RUNDC3B: variants seen among roughly 807,000 people sequenced by gnomAD.
RUNDC3B encodes RUN domain-containing protein 3B.
RUNDC3B carries 33 observed loss-of-function variants against 58.4 expected under a neutral mutation model. The ratio of observed to expected loss-of-function variants is 0.56; its 90% CI spans 0.43 to 0.75. RUNDC3B has a LOEUF of 0.75. Among genes scored for constraint, RUNDC3B ranks in the 30% least tolerant of loss-of-function variants. The probability of loss-of-function intolerance (pLI) is 0.00; values close to 1 mark genes in which losing one functional copy is unlikely to be tolerated. For missense variants in RUNDC3B, 501 were observed against 535.7 expected, an observed-to-expected ratio of 0.94 and a Z score of 0.64; for synonymous variants, 193 against 195.2, an observed-to-expected ratio of 0.99 and a Z score of 0.10.
intron 2 of RUNDC3B, among the ~76,000 whole-genome samples, 188 bp from the exon 3 acceptor site, chr7:87,700,233 A>G (rs1235922472): frequency 6.6e-6 from 1 of 152,148 alleles, no homozygotes; most frequent in Non-Finnish European, 1.5e-5. Context: ...AAATTTTCCA[A>G]ACTAACACCA....
At chr7:87,804,000 C>G (rs983896419) in intron 8 of RUNDC3B, among the ~76,000 whole-genome samples, 1 of 151,974 alleles carries the variant, frequency 6.6e-6, no homozygotes, top group Non-Finnish European at 1.5e-5. Context: ...ACAAAGCTAC[C>G]GTTCCCAAGT....
At chr7:87,670,604 G>A (rs58101885) in intron 2 of RUNDC3B, among the ~76,000 whole-genome samples, 2,130 of 152,248 alleles carry the variant, frequency 0.014, 52 homozygotes, top group African/African-American at 0.049. Context: ...TCTGTGTGTG[G>A]GTGTTCCTTT....
At chr7:87,743,128 G>A (rs577676860) in intron 6 of RUNDC3B, among the ~76,000 whole-genome samples, 2 of 149,344 alleles carry the variant, frequency 1.3e-5, no homozygotes, top group Admixed American at 6.7e-5. Flanking sequence ...AAAAAAAAAA[G>A]GGAACTAAGG....
chr7:87,639,506 A>G (rs1822212927), intron 1 of RUNDC3B, among the ~76,000 whole-genome samples: 1 of 152,094 alleles, frequency 6.6e-6, no homozygotes, highest in South Asian at 2.1e-4. Flanking sequence ...TACCTCTATG[A>G]CTGTAGATTT....
intron 9 of RUNDC3B, among the ~76,000 whole-genome samples, chr7:87,808,871 C>G (rs1836569156): frequency 6.6e-6 from 1 of 151,980 alleles, no homozygotes; most frequent in African/African-American, 2.4e-5. Flanking sequence ...CTTACCTTAT[C>G]TATATATGAC....
intron 6 of RUNDC3B, among the ~76,000 whole-genome samples, chr7:87,750,134 T>A (rs1832880403): frequency 6.6e-6 from 1 of 151,976 alleles, no homozygotes; most frequent in Admixed American, 6.6e-5. Flanking sequence ...TGGTGTTTGG[T>A]TTTTTGTTCT....
rs545028126 is a variant in RUNDC3B, at chr7:87,628,866, G to A, written c.43G>A (p.Gly15Ser). ...SLGGLSGIRG[G>S]GGGGGKKSLS... ...GGGGGGCCTGAGCGGGATCCGCGGC[G>A]GTGGCGGCGGAGGCGGCAAGAAAAG... The change falls in exon 1 of 11, where the codon GGT becomes AGT. Residue 15 changes from glycine to serine, a missense_variant. By Grantham distance (56) the Gly-to-Ser change is moderately conservative. Transcript: ENST00000394654. The A allele has an allele frequency of 1.0e-5, 13 of 1,281,262 alleles. No homozygotes were observed. Among genetic ancestry groups the A allele is most frequent in the Admixed American group, 3.6e-5 (1 of 27,618 alleles). The allele number at this position is 1,281,262 out of a possible 1,614,324, so 79.4% of individuals were successfully genotyped here.
In RUNDC3B at chr7:87,633,368, T is replaced by C. The variant is rs572299289; in HGVS notation, c.122+4423T>C. Among the ~76,000 whole-genome samples the C allele has an allele frequency of 9.6e-4, 146 of 152,314 alleles. 1 individual carries two copies. The highest frequency in any genetic ancestry group is 3.3e-3 in the African/African-American group (138 of 41,562). On this transcript the variant is annotated intron_variant, in intron 1 of 10. Transcript: ENST00000394654. Reference sequence around the variant, plus strand: ...TTGACAAAGACTATACATAGAATAATGTAATCCTTATTGATGACTTTACTC... The same window carrying C: ...TTGACAAAGACTATACATAGAATAACGTAATCCTTATTGATGACTTTACTC...
intron 6 of RUNDC3B, among the ~76,000 whole-genome samples, chr7:87,744,325 AT>A (rs1288078798): frequency 6.6e-6 from 1 of 151,500 alleles, no homozygotes; most frequent in Non-Finnish European, 1.5e-5. Flanking sequence ...GAATTTTAGA[AT>A]TTTTTTTCTA....
intron 6 of RUNDC3B, among the ~76,000 whole-genome samples, chr7:87,766,936 A>T (rs528114299): frequency 3.4e-4 from 52 of 152,108 alleles, no homozygotes; most frequent in African/African-American, 1.1e-3. Context: ...GGCTTTGTTG[A>T]TTTTTAATTT....
chr7:87,816,300 C>T, intron 10 of RUNDC3B, 38 bp downstream of exon 10: 1 of 1,548,422 alleles, frequency 6.5e-7, no homozygotes, highest in East Asian at 2.3e-5. Flanking sequence ...TTACTCTTTT[C>T]CTGTACCATC....
At chr7:87,773,388 A>G (rs999023122) in intron 7 of RUNDC3B, among the ~76,000 whole-genome samples, 3 of 151,874 alleles carry the variant, frequency 2.0e-5, no homozygotes, top group African/African-American at 7.2e-5. Context: ...ACTTACATAT[A>G]TTTAACAATA....
chr7:87,652,426 T>C lies in RUNDC3B; in HGVS notation c.238+1489T>C, dbSNP rs910378979. On this transcript the variant is annotated intron_variant, in intron 2 of 10. Transcript: ENST00000394654. ...GATCACACCCCTTCAGAATTATTTCTAAACAATCAAATCCATTAATGTTAT... is the reference window on the plus strand; with the variant it reads ...GATCACACCCCTTCAGAATTATTTCCAAACAATCAAATCCATTAATGTTAT... Among the ~76,000 whole-genome samples, 3 of 151,994 alleles carry C rather than the reference T, an allele frequency of 2.0e-5. No individual in the cohort carries two copies. In the East Asian group the frequency reaches 5.8e-4, roughly 29 times the overall value.
intron 6 of RUNDC3B, among the ~76,000 whole-genome samples, chr7:87,757,803 A>AT (rs1488850212): frequency 1.3e-5 from 2 of 152,202 alleles, no homozygotes; most frequent in Non-Finnish European, 2.9e-5. Flanking sequence ...CAGCATAAAA[A>AT]TAGACATACA....
intron 6 of RUNDC3B, among the ~76,000 whole-genome samples, chr7:87,768,639 T>G (rs2130865877): frequency 6.6e-6 from 1 of 152,298 alleles, no homozygotes; most frequent in Non-Finnish European, 1.5e-5. Context: ...TCTCAGCAGT[T>G]TGTCACATTG....
intron 2 of RUNDC3B, among the ~76,000 whole-genome samples, chr7:87,657,256 A>T (rs2130423402): frequency 6.6e-6 from 1 of 152,272 alleles, no homozygotes; most frequent in Middle Eastern, 3.4e-3. Flanking sequence ...TAAGCCAGGA[A>T]CCTGCAAATT....
At chr7:87,672,400 C>T (rs1825914384) in intron 2 of RUNDC3B, among the ~76,000 whole-genome samples, 1 of 152,178 alleles carries the variant, frequency 6.6e-6, no homozygotes, top group Non-Finnish European at 1.5e-5. Context: ...CCCCTGGACG[C>T]TCCTCCCTAG....
chr7:87,676,054 C>T (rs1251910082), intron 2 of RUNDC3B, among the ~76,000 whole-genome samples: 1 of 151,582 alleles, frequency 6.6e-6, no homozygotes, highest in African/African-American at 2.4e-5. Flanking sequence ...AGTGAGATTC[C>T]CATCTCTACA....
chr7:87,674,126 A>G (rs562877829), intron 2 of RUNDC3B, among the ~76,000 whole-genome samples: 3 of 152,260 alleles, frequency 2.0e-5, no homozygotes, highest in East Asian at 1.9e-4. Flanking sequence ...CAATACTCCT[A>G]TGGGTGGTAC....
Sources: gnomAD v4.1 joint callset for allele counts (sites outside exome capture counted in the v4.1 genomes callset) on GRCh38, gnomAD v4.1.1 for gene constraint, MANE v1.5 for transcripts, NCBI Gene and HGNC (gene_info 2026-07-23, HGNC 2026-07-21) for gene names.